ZNF571: variants seen among roughly 807,000 people sequenced by gnomAD.
The protein encoded by ZNF571 is zinc finger protein 571.
ZNF571 carries 4 observed loss-of-function variants against 7.7 expected under a neutral mutation model. The ratio of observed to expected loss-of-function variants is 0.52; its 90% CI spans 0.25 to 1.18. The LOEUF (loss-of-function observed/expected upper bound fraction) is 1.18. Ranked by LOEUF, ZNF571 falls within the 50% of genes most tolerant of loss-of-function variation. The pLI, the probability that ZNF571 is intolerant of heterozygous loss-of-function variation, is 0.14. For missense variants in ZNF571, 704 were observed against 726.9 expected (o/e 0.97, Z 0.36); for synonymous variants, 251 against 232.4 (o/e 1.08, Z -0.73).
intron 3 of ZNF571, among the ~76,000 whole-genome samples, chr19:37,579,304 G>A (rs2043360958): frequency 6.6e-6 from 1 of 152,154 alleles, no homozygotes; most frequent in Non-Finnish European, 1.5e-5. Flanking sequence ...GGGGGAACTG[G>A]GGAACTACTT....
intron 3 of ZNF571, among the ~76,000 whole-genome samples, chr19:37,567,929 T>C (rs935656549): frequency 5.9e-5 from 9 of 152,212 alleles, no homozygotes; most frequent in African/African-American, 2.2e-4. Context: ...GTTTTATTCC[T>C]TTAATATAGT....
At chr19:37,575,291 ATCATAC>A (rs1324781780) in intron 3 of ZNF571, among the ~76,000 whole-genome samples, 2 of 152,352 alleles carry the variant, frequency 1.3e-5, no homozygotes, top group East Asian at 3.9e-4. Flanking sequence ...TACATGTGTA[ATCATAC>A]ATTAAGATCC....
In ZNF571 at chr19:37,566,295, T is replaced by C. The variant is rs1211230272; in HGVS notation, c.137-4A>G. The C allele has an allele frequency of 6.3e-6, 10 of 1,583,192 alleles. No homozygotes were observed. In the East Asian group the frequency reaches 6.7e-5, roughly 11 times the overall value. On this transcript the variant is annotated splice_polypyrimidine_tract_variant and splice_region_variant and intron_variant, in intron 3 of 3. Coordinates refer to ENST00000451802, the MANE Select transcript of ZNF571 (RefSeq NM_016536.5). The stretch of plus-strand genomic sequence containing the variant: ...GTCACACAACTGGATTCCAAGTCTG[T>C]AGAATAAAAAGAAAGCAAATTCCTG...
At chr19:37,571,542 T>C (rs1452305354) in intron 3 of ZNF571, among the ~76,000 whole-genome samples, 5 of 151,928 alleles carry the variant, frequency 3.3e-5, no homozygotes, top group African/African-American at 1.2e-4. Context: ...TATGAACAAA[T>C]CCATAGCCAA....
rs780427863 is a variant in ZNF571, at chr19:37,565,310, A to T, written c.1118T>A (p.Phe373Tyr). 9 of 1,611,156 alleles carry T rather than the reference A, an allele frequency of 5.6e-6. No homozygotes were observed. The highest frequency in any genetic ancestry group is 7.6e-6 in the Non-Finnish European group (9 of 1,178,666). ...GTGGTAAGTAAGTTGTGAGCCACGA[A>T]AAAAGGTCTTCCCGCATTCTTTACA... ...YECKECGKTF[F>Y]RGSQLTYHLR... The change falls in exon 4 of 4, where the codon TTT becomes TAT. Residue 373 changes from phenylalanine to tyrosine, a missense_variant. Phe to Tyr is a conservative substitution (Grantham distance 22, BLOSUM62 3). Transcript: ENST00000451802.
Position 37,564,676 on chromosome 19 carries a change from T to C in ZNF571, c.1752A>G (p.Lys584=), listed in dbSNP as rs142122989. 988 of 1,613,272 alleles carry C rather than the reference T, an allele frequency of 6.1e-4. 9 individuals are homozygous for C. In the South Asian group the frequency reaches 8.5e-3, roughly 14 times the overall value. Residue 584 remains lysine, a synonymous_variant, in exon 4 of 4, where the codon AAA becomes AAG. Coordinates refer to ENST00000451802, the MANE Select transcript of ZNF571 (RefSeq NM_016536.5). ...TACCACACTGGACACATGTATAGGG[T>C]TTCTCACCAGTATGGATCCTTTGAT... is the stretch of plus-strand genomic sequence containing the variant. ...TLHQRIHTGE[K]PYTCVQCGKD...
intron 3 of ZNF571, among the ~76,000 whole-genome samples, chr19:37,568,060 A>G (rs1229726426): frequency 6.6e-6 from 1 of 152,234 alleles, no homozygotes; most frequent in African/African-American, 2.4e-5. Flanking sequence ...ATCTTATATT[A>G]TTCCGAAGAA....
Position 37,571,066 on chromosome 19 carries a change from A to G in ZNF571, c.137-4775T>C, listed in dbSNP as rs117983523. ...TTTGTTCATACTAAACAGACTTAGA[A>G]TCACTCATTGTGTATTCATCTGTAG... On this transcript the variant is annotated intron_variant, in intron 3 of 3. Transcript: ENST00000451802. Among the ~76,000 whole-genome samples the G allele has an allele frequency of 6.7e-3, 1,024 of 152,350 alleles. 32 individuals carry two copies. The highest frequency in any genetic ancestry group is 0.051 in the East Asian group (262 of 5,184).
intron 1 of ZNF571, among the ~76,000 whole-genome samples, chr19:37,590,589 TA>T (rs2043841172): frequency 6.6e-6 from 1 of 152,118 alleles, no homozygotes. Flanking sequence ...TAATTATAGA[TA>T]AAGGAAAATG....
chr19:37,574,371 G>GC (rs2043172921), intron 3 of ZNF571, among the ~76,000 whole-genome samples: 1 of 151,884 alleles, frequency 6.6e-6, no homozygotes, highest in African/African-American at 2.4e-5. Context: ...AACAAAAACA[G>GC]CCCCCTCCGA....
At position 37,589,864 on chromosome 19, in the gene ZNF571, C is replaced by CAAAAAAAA. The variant is rs60136941; in HGVS notation, c.-69-3127_-69-3120dup. Reference sequence around the variant, plus strand: ...TGGGCAACAGAGCAAGACTCCATCTCAAAAAAAAAAAAAAAAAAAAAAAGC... The same window carrying CAAAAAAAA: ...TGGGCAACAGAGCAAGACTCCATCTCAAAAAAAAAAAAAAAAAAAAAAAAAAAAAAAGC... On this transcript the variant is annotated intron_variant, in intron 1 of 3. Transcript: ENST00000451802. Among the ~76,000 whole-genome samples the CAAAAAAAA allele has an allele frequency of 2.9e-3, 87 of 29,586 alleles. 22 individuals carry two copies. Among genetic ancestry groups the CAAAAAAAA allele is most frequent in the Admixed American group, 4.0e-3 (6 of 1,490 alleles). The allele number at this position is 29,586 out of a possible 152,430, so 19.4% of individuals were successfully genotyped here.
In ZNF571 at chr19:37,589,864, C is replaced by CAAAAAAAAAAAA. The variant is rs60136941; in HGVS notation, c.-69-3131_-69-3120dup. The stretch of plus-strand genomic sequence containing the variant: ...TGGGCAACAGAGCAAGACTCCATCT[C>CAAAAAAAAAAAA]AAAAAAAAAAAAAAAAAAAAAAAGC... On this transcript the variant is annotated intron_variant, in intron 1 of 3. Coordinates refer to ENST00000451802, the MANE Select transcript of ZNF571 (RefSeq NM_016536.5). Among the ~76,000 whole-genome samples the CAAAAAAAAAAAA allele has an allele frequency of 2.0e-4, 6 of 29,588 alleles. 1 individual carries two copies. The highest frequency in any genetic ancestry group is 3.3e-4 in the Non-Finnish European group (6 of 18,246). The allele number at this position is 29,588 out of a possible 152,430, so 19.4% of individuals were successfully genotyped here. A position where few individuals can be genotyped will look rare whatever the true frequency, so the allele number is the denominator to read the frequency against.
Position 37,564,673 on chromosome 19 carries a change from G to T in ZNF571, c.1755C>A (p.Pro585=). The change falls in exon 4 of 4, where the codon CCC becomes CCA. Residue 585 remains proline (P), a synonymous_variant. Transcript: ENST00000451802. ...CTTTACCACACTGGACACATGTATA[G>T]GGTTTCTCACCAGTATGGATCCTTT... ...LHQRIHTGEK[P]YTCVQCGKDF... 6.2e-7 allele frequency: 1 copy of T among 1,613,028 alleles called. No homozygotes were observed. Among genetic ancestry groups the T allele is most frequent in the Non-Finnish European group, 8.5e-7 (1 of 1,179,446 alleles).
At chr19:37,575,526 T>A (rs2043213837) in intron 3 of ZNF571, 1 of 152,250 alleles carries the variant, frequency 6.6e-6, no homozygotes, top group Admixed American at 6.5e-5. Flanking sequence ...TCTTTAGTAC[T>A]AAGCTTCAAG....
intron 3 of ZNF571, among the ~76,000 whole-genome samples, chr19:37,577,203 T>A (rs2147180512): frequency 6.6e-6 from 1 of 152,282 alleles, no homozygotes; most frequent in East Asian, 1.9e-4. Context: ...CAACCTTTCA[T>A]CACCCTCCTC....
chr19:37,589,864 C>CAAAAAA (rs60136941), intron 1 of ZNF571, among the ~76,000 whole-genome samples: 6,237 of 29,568 alleles, frequency 0.21, 2,195 homozygotes, highest in Non-Finnish European at 0.29. Context: ...GACTCCATCT[C>CAAAAAA]AAAAAAAAAA....
At position 37,564,492 on chromosome 19, in the gene ZNF571, CCTT is replaced by C; in HGVS notation, c.*103_*105del. 9.9e-7 allele frequency: 1 copy of C among 1,010,358 alleles called. No homozygotes were observed. The highest frequency in any genetic ancestry group is 2.7e-5 in the East Asian group (1 of 37,012). The allele number at this position is 1,010,358 out of a possible 1,614,324, so 62.6% of individuals were successfully genotyped here. On this transcript the variant is annotated 3_prime_UTR_variant, in exon 4 of 4. Transcript: ENST00000451802. Reference sequence around the variant, plus strand: ...TATTCTGCATCCATGTTAATGTAGGCCTTCTAAGAATGAGCAGATTCTGAGCAG... The same window carrying C: ...TATTCTGCATCCATGTTAATGTAGGCCTAAGAATGAGCAGATTCTGAGCAG...
intron 2 of ZNF571, among the ~76,000 whole-genome samples, chr19:37,584,691 G>A (rs1311721323): frequency 1.3e-5 from 2 of 152,068 alleles, no homozygotes; most frequent in African/African-American, 2.4e-5. Flanking sequence ...GGCCGGGCGC[G>A]GTGGCTCACG....
chr19:37,583,719 T>C (rs1181484945), intron 3 of ZNF571: 6 of 357,804 alleles, frequency 1.7e-5, no homozygotes, highest in Non-Finnish European at 3.1e-5. Flanking sequence ...AAATGGTGCA[T>C]GGTCATGCTA....
Sources: allele counts gnomAD v4.1 joint callset (sites outside exome capture counted in the v4.1 genomes callset), GRCh38; gene constraint gnomAD v4.1.1; transcripts MANE v1.5; gene names NCBI Gene and HGNC (gene_info 2026-07-23, HGNC 2026-07-21).